SBSPON: variants seen among roughly 807,000 people sequenced by gnomAD.
SBSPON encodes the protein somatomedin-B and thrombospondin type-1 domain-containing protein.
A neutral mutation model predicts 35.8 loss-of-function variants in SBSPON; 30 were observed. The observed-to-expected ratio is 0.84, with a 90% CI of 0.63 to 1.14. The LOEUF (loss-of-function observed/expected upper bound fraction) is 1.14. SBSPON is among the 50% of genes most tolerant of loss of function. The probability of loss-of-function intolerance (pLI) is 0.00; values close to 1 mark genes in which losing one functional copy is unlikely to be tolerated. For missense variants in SBSPON, 364 were observed against 357.7 expected, an observed-to-expected ratio of 1.02 and a Z score of -0.14; for synonymous variants, 136 against 135.9, an observed-to-expected ratio of 1.00 and a Z score of 0.00.
intron 1 of SBSPON, among the ~76,000 whole-genome samples, chr8:73,092,442 C>T (rs1391757595): frequency 2.0e-5 from 3 of 152,202 alleles, no homozygotes; most frequent in Non-Finnish European, 4.4e-5. Flanking sequence ...CCCAAAGATC[C>T]CCGAGGGTTG....
intron 1 of SBSPON, chr8:73,083,739 C>T (rs1173687431): frequency 2.6e-5 from 4 of 152,212 alleles, no homozygotes; most frequent in African/African-American, 7.2e-5. Context: ...TTAATGGAGC[C>T]GATAGACTGT....
Position 73,067,380 on chromosome 8 carries a change from C to G in SBSPON, c.756G>C (p.Gln252His). 1 of 1,609,898 alleles carries G rather than the reference C, an allele frequency of 6.2e-7. No individual in the cohort carries two copies. The highest frequency in any genetic ancestry group is 8.5e-7 in the Non-Finnish European group (1 of 1,176,618). Residue 252 changes from glutamine (Q) to histidine (H), a missense_variant, in exon 5 of 5, where the codon CAG becomes CAC. Coordinates refer to ENST00000297354, the MANE Select transcript of SBSPON (RefSeq NM_153225.4). ...AACTGTGAACAGCTGGACAAGAACA[C>G]TGGTCTACTCGCCGAACTTTTTTCC... ...GTWKKVRRVD[Q>H]CSCPAVHSFI...
chr8:73,086,638 C>A (rs1396796258), intron 1 of SBSPON, among the ~76,000 whole-genome samples: 1 of 138,758 alleles, frequency 7.2e-6, no homozygotes, highest in African/African-American at 2.7e-5. Flanking sequence ...ATCTGGCCCC[C>A]AAAGGGGTTT....
chr8:73,086,158 T>G (rs1315692465), intron 1 of SBSPON, among the ~76,000 whole-genome samples: 2 of 149,822 alleles, frequency 1.3e-5, no homozygotes, highest in African/African-American at 4.9e-5. Context: ...ATATATCATC[T>G]CCCTTTTCTT....
At chr8:73,088,411 C>G (rs1216949837) in intron 1 of SBSPON, among the ~76,000 whole-genome samples, 1 of 152,208 alleles carries the variant, frequency 6.6e-6, no homozygotes, top group East Asian at 1.9e-4. Flanking sequence ...GGCCAGGCAC[C>G]CTGGCTCACA....
At chr8:73,091,389 G>A (rs1810931742) in intron 1 of SBSPON, among the ~76,000 whole-genome samples, 1 of 152,218 alleles carries the variant, frequency 6.6e-6, no homozygotes, top group African/African-American at 2.4e-5. Flanking sequence ...CCCAGCTAGA[G>A]TAGAAAGTCC....
rs182591727 is a variant in SBSPON at position 73,079,494 on chromosome 8, C to G, written c.409+1525G>C. Among the ~76,000 whole-genome samples the G allele has an allele frequency of 7.9e-4, 120 of 152,128 alleles. 1 individual carries two copies. Among genetic ancestry groups the G allele is most frequent in the African/African-American group, 2.7e-3 (113 of 41,506 alleles). On this transcript the variant is annotated intron_variant, in intron 2 of 4. Coordinates refer to ENST00000297354, the MANE Select transcript of SBSPON (RefSeq NM_153225.4). ...GATCAGCTCCCAAATCCCTCAAACC[C>G]TCTACACCTGGCCATCAGGTTTAAC...
At chr8:73,087,179 C>G (rs998186304) in intron 1 of SBSPON, among the ~76,000 whole-genome samples, 1 of 152,172 alleles carries the variant, frequency 6.6e-6, no homozygotes, top group African/African-American at 2.4e-5. Flanking sequence ...CCTCATTTCT[C>G]TGAGGCAGAA....
At chr8:73,082,560 T>C (rs1482571732) in intron 1 of SBSPON, among the ~76,000 whole-genome samples, 1 of 152,236 alleles carries the variant, frequency 6.6e-6, no homozygotes, top group Non-Finnish European at 1.5e-5. Context: ...AAACATGCTT[T>C]CATTCATCAA....
intron 1 of SBSPON, 61 bp downstream of exon 1, chr8:73,092,793 G>C (rs1363801300): frequency 2.2e-6 from 3 of 1,360,158 alleles, no homozygotes; most frequent in Non-Finnish European, 3.1e-6. Context: ...ACAGCGCCCT[G>C]CCCTGTGCCC....
At chr8:73,086,844 T>C (rs1810836311) in intron 1 of SBSPON, among the ~76,000 whole-genome samples, 1 of 152,260 alleles carries the variant, frequency 6.6e-6, no homozygotes, top group Non-Finnish European at 1.5e-5. Flanking sequence ...TGTGCATTTC[T>C]GTATTTTCCA....
At chr8:73,086,615 C>A (rs544260902) in intron 1 of SBSPON, among the ~76,000 whole-genome samples, 1 of 151,782 alleles carries the variant, frequency 6.6e-6, no homozygotes, top group Non-Finnish European at 1.5e-5. Flanking sequence ...CCCTCTCTTG[C>A]AGAAACCACG....
At chr8:73,085,752 G>A (rs1810812052) in intron 1 of SBSPON, 1 of 152,106 alleles carries the variant, frequency 6.6e-6, no homozygotes, top group African/African-American at 2.4e-5. Context: ...TGCACACAGA[G>A]ACAACAAAAT....
chr8:73,072,634 A>G (rs1339896827), intron 2 of SBSPON, among the ~76,000 whole-genome samples: 1 of 152,316 alleles, frequency 6.6e-6, no homozygotes, highest in Non-Finnish European at 1.5e-5. Context: ...GCGCCCCTGC[A>G]CTCCAGCCTG....
chr8:73,089,461 C>A (rs1198012727), intron 1 of SBSPON, among the ~76,000 whole-genome samples: 1 of 151,442 alleles, frequency 6.6e-6, no homozygotes, highest in Non-Finnish European at 1.5e-5. Flanking sequence ...GAAGCTGAGG[C>A]AGGAGAATCG....
chr8:73,076,650 T>C (rs1460625420), intron 2 of SBSPON, among the ~76,000 whole-genome samples: 1 of 147,160 alleles, frequency 6.8e-6, no homozygotes, highest in East Asian at 2.0e-4. Context: ...CCATCTTATA[T>C]GAAAAGAAAA....
intron 2 of SBSPON, among the ~76,000 whole-genome samples, chr8:73,074,183 C>T (rs1215917320): frequency 1.3e-5 from 2 of 152,072 alleles, no homozygotes; most frequent in African/African-American, 4.8e-5. Context: ...TTTGGGGATT[C>T]TTTAGCTCAG....
chr8:73,080,802 A>C (rs927208032), intron 2 of SBSPON, among the ~76,000 whole-genome samples: 9 of 152,128 alleles, frequency 5.9e-5, no homozygotes, highest in Non-Finnish European at 1.2e-4. Context: ...TATAAAACAC[A>C]CCAAGGGAAG....
intron 2 of SBSPON, chr8:73,074,439 A>T: frequency 5.0e-6 from 1 of 200,164 alleles, no homozygotes; most frequent in Non-Finnish European, 8.9e-6. Flanking sequence ...AAGCCTCTTG[A>T]GATAGATCCT....
Sources: gnomAD v4.1 joint callset for allele counts (sites outside exome capture counted in the v4.1 genomes callset) on GRCh38, gnomAD v4.1.1 for gene constraint, MANE v1.5 for transcripts, NCBI Gene and HGNC (gene_info 2026-07-23, HGNC 2026-07-21) for gene names.